The following ZNF782 variants were observed in gnomAD, a reference collection of about 807,000 sequenced individuals.
ZNF782 encodes zinc finger protein 782.
Under a neutral mutation model 13.0 loss-of-function variants are expected in ZNF782, and 12 were observed. That is an observed-to-expected ratio of 0.92 (90% CI 0.59 to 1.50). The LOEUF (loss-of-function observed/expected upper bound fraction) is 1.50. Among genes scored for constraint, ZNF782 ranks in the 40% most tolerant of loss-of-function variants. ZNF782 has a pLI of 0.00. For missense variants in ZNF782, 770 were observed against 822.9 expected (o/e 0.94, Z 0.79); for synonymous variants, 284 against 283.0 (o/e 1.00, Z -0.04).
At position 96,816,632 on chromosome 9, in the gene ZNF782, T is replaced by C. The variant is rs1588142458; in HGVS notation, c.*1291A>G. 6.6e-6 allele frequency: 1 copy of C among 152,202 alleles called. No individual in the cohort carries two copies. Among genetic ancestry groups the C allele is most frequent in the East Asian group, 1.9e-4 (1 of 5,204 alleles). The allele number at this position is 152,202 out of a possible 1,614,324, so 9.4% of individuals were successfully genotyped here. On this transcript the variant is annotated 3_prime_UTR_variant, in exon 6 of 6. Coordinates refer to ENST00000481138, the MANE Select transcript of ZNF782 (RefSeq NM_001001662.3). Reference sequence around the variant, plus strand: ...ACTTACCTTTCTCAAATTGATAGATTTTCTCCTTGTAACAAGCTCTGATAT... The same window carrying C: ...ACTTACCTTTCTCAAATTGATAGATCTTCTCCTTGTAACAAGCTCTGATAT...
chr9:96,912,233 AC>A, the ZNF782 span, among the ~76,000 whole-genome samples: 1 of 147,570 alleles, frequency 6.8e-6, no homozygotes, highest in Non-Finnish European at 1.5e-5. Context: ...TAACTAAAAA[AC>A]AGGCCAGGCG....
At chr9:96,865,890 C>T (rs1851748935) in intron 1 of ZNF782, among the ~76,000 whole-genome samples, 1 of 152,090 alleles carries the variant, frequency 6.6e-6, no homozygotes, top group Admixed American at 6.5e-5. Context: ...TTCGCCCCAC[C>T]CTAGAGATTT....
chr9:96,898,383 T>C, the ZNF782 span, among the ~76,000 whole-genome samples: 10 of 148,104 alleles, frequency 6.8e-5, no homozygotes, highest in Non-Finnish European at 1.0e-4. Flanking sequence ...ACGTTCCATA[T>C]AATTGGAACC....
intron 1 of ZNF782, among the ~76,000 whole-genome samples, chr9:96,873,684 C>T (rs116136202): frequency 0.012 from 1,843 of 152,246 alleles, 39 homozygotes; most frequent in African/African-American, 0.043. Flanking sequence ...GGTGACAGAG[C>T]GAGACCTTGT....
the ZNF782 span, among the ~76,000 whole-genome samples, chr9:96,922,035 G>A: frequency 6.6e-6 from 1 of 151,026 alleles, no homozygotes; most frequent in Non-Finnish European, 1.5e-5. Context: ...TGCTGATGCT[G>A]ATGGTCCAGG....
chr9:96,878,513 G>A (rs1224394537), upstream of ZNF782, among the ~76,000 whole-genome samples: 1 of 152,130 alleles, frequency 6.6e-6, no homozygotes, highest in Non-Finnish European at 1.5e-5. Context: ...GCCTAACTCT[G>A]CACTTTAGGC....
chr9:96,824,402 T>A (rs1283430241), intron 5 of ZNF782, among the ~76,000 whole-genome samples: 1 of 148,478 alleles, frequency 6.7e-6, no homozygotes, highest in Non-Finnish European at 1.5e-5. Flanking sequence ...ATGGGACATA[T>A]CTCAAAATAA....
In ZNF782 at chr9:96,871,797, T is replaced by G. The variant is rs564132722; in HGVS notation, c.-457+3671A>C. Among the ~76,000 whole-genome samples the G allele has an allele frequency of 4.6e-5, 7 of 152,354 alleles. No homozygotes were observed. In the East Asian group the frequency reaches 1.3e-3, roughly 29 times the overall value. On this transcript the variant is annotated intron_variant, in intron 1 of 5. Coordinates refer to the ZNF782 transcript ENST00000498811. ...TGTAAATATTTGTAGCATTGATACT[T>G]CTACAAGTATCAAAGCTTAAAATTA...
At chr9:96,901,005 C>A in the ZNF782 span, among the ~76,000 whole-genome samples, 3,703 of 97,948 alleles carry the variant, frequency 0.038, no homozygotes, top group East Asian at 0.11. Flanking sequence ...ACTAAAAATA[C>A]AAAAATTAGC....
At chr9:96,862,124 A>G (rs1322649753) in intron 1 of ZNF782, among the ~76,000 whole-genome samples, 5 of 152,246 alleles carry the variant, frequency 3.3e-5, no homozygotes, top group African/African-American at 1.2e-4. Context: ...ACATGGATGG[A>G]AATGTTAAGT....
At chr9:96,878,489 A>G (rs763569173), upstream of ZNF782, among the ~76,000 whole-genome samples, 1 of 152,368 alleles carries the variant, frequency 6.6e-6, no homozygotes, top group African/African-American at 2.4e-5. Context: ...AAGTACGACC[A>G]ATTGTCCACT....
the ZNF782 span, among the ~76,000 whole-genome samples, chr9:96,932,978 C>CTTTTTT: frequency 7.7e-5 from 10 of 129,426 alleles, no homozygotes; most frequent in East Asian, 2.7e-4. Flanking sequence ...CTTTTCTTTT[C>CTTTTTT]TTTTTTTTTT....
At chr9:96,917,043 CCTGTGGCA>C in the ZNF782 span, among the ~76,000 whole-genome samples, 1 of 69,708 alleles carries the variant, frequency 1.4e-5, no homozygotes, top group Non-Finnish European at 2.9e-5. Context: ...GTCGGGGAAA[CCTGTGGCA>C]CTGTTTGTCT....
chr9:96,821,178 T>C (rs921946360), intron 5 of ZNF782, among the ~76,000 whole-genome samples: 4 of 152,236 alleles, frequency 2.6e-5, no homozygotes, highest in Non-Finnish European at 5.9e-5. Context: ...ACTGCCTTAG[T>C]GCCCTAACAG....
the ZNF782 span, among the ~76,000 whole-genome samples, chr9:96,916,339 A>C: frequency 4.6e-5 from 7 of 151,890 alleles, no homozygotes; most frequent in African/African-American, 1.7e-4. Context: ...AAAGTACAAA[A>C]ATTAGCCAGG....
chr9:96,901,480 C>T, the ZNF782 span, among the ~76,000 whole-genome samples: 1 of 151,418 alleles, frequency 6.6e-6, no homozygotes, highest in East Asian at 2.0e-4. Context: ...TTATGTTGGC[C>T]AGGCTGGTCT....
At chr9:96,925,221 C>T in the ZNF782 span, among the ~76,000 whole-genome samples, 6 of 152,128 alleles carry the variant, frequency 3.9e-5, no homozygotes, top group Non-Finnish European at 8.8e-5. Flanking sequence ...GCGGGGCAGG[C>T]GTGGAGCCCG....
At chr9:96,924,751 G>T in the ZNF782 span, among the ~76,000 whole-genome samples, 1 of 152,206 alleles carries the variant, frequency 6.6e-6, no homozygotes, top group Non-Finnish European at 1.5e-5. Context: ...AACTGCTGAG[G>T]TTTTCCGCAA....
chr9:96,903,770 G>A, the ZNF782 span, among the ~76,000 whole-genome samples: 4,368 of 151,352 alleles, frequency 0.029, 272 homozygotes, highest in African/African-American at 0.1. Flanking sequence ...CACCGTGTTC[G>A]CCAGGATGGT....
Sources: allele counts gnomAD v4.1 joint callset (sites outside exome capture counted in the v4.1 genomes callset), GRCh38; gene constraint gnomAD v4.1.1; transcripts MANE v1.5; gene names NCBI Gene and HGNC (gene_info 2026-07-23, HGNC 2026-07-21).